The following FARP1 variants were observed in gnomAD, a reference collection of about 807,000 sequenced individuals.
FARP1 encodes the protein FERM, ARHGEF and pleckstrin domain-containing protein 1.
In FARP1, 52 loss-of-function variants were observed where a neutral mutation model predicts 128.8. The observed-to-expected ratio is 0.40, with a 90% CI of 0.32 to 0.51. FARP1 has a LOEUF of 0.51. Among genes scored for constraint, FARP1 ranks in the 20% least tolerant of loss-of-function variants. The pLI is 0.45. For missense variants in FARP1, 1,333 were observed against 1,367.9 expected, an observed-to-expected ratio of 0.97 and a Z score of 0.40; for synonymous variants, 580 against 551.8, an observed-to-expected ratio of 1.05 and a Z score of -0.72.
chr13:98,207,684 G>A (rs948506659), intron 1 of FARP1, among the ~76,000 whole-genome samples: 3 of 151,968 alleles, frequency 2.0e-5, no homozygotes, highest in African/African-American at 7.3e-5. Flanking sequence ...GGGTGGGGTG[G>A]GGGAGGGGCC....
intron 1 of FARP1, among the ~76,000 whole-genome samples, chr13:98,184,438 T>C (rs1374866705): frequency 6.6e-6 from 1 of 152,198 alleles, no homozygotes; most frequent in East Asian, 1.9e-4. Flanking sequence ...TTTTAATGTG[T>C]CATTTTAAAG....
At chr13:98,162,368 T>C (rs1233483531) in intron 1 of FARP1, among the ~76,000 whole-genome samples, 1 of 152,222 alleles carries the variant, frequency 6.6e-6, no homozygotes, top group Non-Finnish European at 1.5e-5. Context: ...TTCTCATCGA[T>C]GTGCAGAAGA....
rs34250002 is a variant in FARP1, at chr13:98,151,660, C to CTTTTTTTTT, written c.-24+8179_-24+8187dup. Among the ~76,000 whole-genome samples, 598 of 69,154 alleles carry CTTTTTTTTT rather than the reference C, an allele frequency of 8.6e-3. 153 individuals are homozygous for CTTTTTTTTT. Among genetic ancestry groups the CTTTTTTTTT allele is most frequent in the Middle Eastern group, 0.042 (2 of 48 alleles). 45.4% of individuals were successfully genotyped at this position (69,154 alleles called of 152,430 possible). On this transcript the variant is annotated intron_variant, in intron 1 of 26. Coordinates refer to ENST00000319562, the MANE Select transcript of FARP1 (RefSeq NM_005766.4). ...AAACCTGCCCTTATATATCTTCCAT[C>CTTTTTTTTT]TTTTTTTTTTTTTTTTTTTGAGACG...
chr13:98,242,096 A>G (rs1458728198), intron 2 of FARP1, among the ~76,000 whole-genome samples: 4 of 152,076 alleles, frequency 2.6e-5, no homozygotes, highest in East Asian at 3.9e-4. Context: ...AGATGTAGCA[A>G]TGTGTCTTGC....
intron 1 of FARP1, among the ~76,000 whole-genome samples, chr13:98,148,943 G>A (rs1026512698): frequency 2.6e-5 from 4 of 151,880 alleles, no homozygotes; most frequent in African/African-American, 9.7e-5. Context: ...CTGGAGTGCG[G>A]TGGCATGATC....
chr13:98,409,493 C>T lies in FARP1; in HGVS notation c.1570C>T (p.Arg524Trp), dbSNP rs553250328. Reference sequence around the variant, plus strand: ...GCTGCTGAATGACCAGGCCTGCCCCCGGACGGACGATGAGGATGAGGGCCG... The same window carrying T: ...GCTGCTGAATGACCAGGCCTGCCCCTGGACGGACGATGAGGATGAGGGCCG... ...SPLLNDQACPRTDDEDEGRRK... is the reference protein window; with the variant it reads ...SPLLNDQACPWTDDEDEGRRK... The change falls in exon 14 of 27, where the codon CGG becomes TGG. Residue 524 changes from arginine to tryptophan, a missense_variant. Physicochemically the swap from Arg to Trp is moderately radical, Grantham distance 101. This residue lies in a region of FARP1 where 1,009 missense variants were observed against 969.8 expected (regional missense o/e 1.04). Coordinates refer to ENST00000319562, the MANE Select transcript of FARP1 (RefSeq NM_005766.4). 13 of 1,613,104 alleles carry T rather than the reference C, an allele frequency of 8.1e-6. No individual in the cohort carries two copies. Among genetic ancestry groups the T allele is most frequent in the East Asian group, 4.5e-5 (2 of 44,802 alleles).
chr13:98,227,565 G>A (rs1333989553), intron 2 of FARP1, among the ~76,000 whole-genome samples: 1 of 152,144 alleles, frequency 6.6e-6, no homozygotes, highest in Non-Finnish European at 1.5e-5. Context: ...AAATATTATG[G>A]CAGTTCTAAA....
chr13:98,379,010 A>G lies in FARP1; in HGVS notation c.496+1092A>G, dbSNP rs1285220194. ...AATATATATATAATATATACAATATATAATCTATATATAATATATATAATA... is the reference window on the plus strand; with the variant it reads ...AATATATATATAATATATACAATATGTAATCTATATATAATATATATAATA... On this transcript the variant is annotated intron_variant, in intron 6 of 26. Transcript: ENST00000319562. 3.4e-4 allele frequency among the ~76,000 whole-genome samples: 30 copies of G among 89,178 alleles called. 4 individuals carry two copies. Among genetic ancestry groups the G allele is most frequent in the African/African-American group, 1.2e-3 (16 of 13,802 alleles). The allele number at this position is 89,178 out of a possible 152,430, so 58.5% of individuals were successfully genotyped here. A position where few individuals can be genotyped will look rare whatever the true frequency, so the allele number is the denominator to read the frequency against.
In FARP1 at chr13:98,430,153, G is replaced by C. The variant is rs922432579; in HGVS notation, c.1906-890G>C. On this transcript the variant is annotated intron_variant, in intron 17 of 26. Coordinates refer to ENST00000319562, the MANE Select transcript of FARP1 (RefSeq NM_005766.4). ...CCTGCAGTCCCAGCTGCTCGAGGCT[G>C]AGGCAGGAGGATCCCTTGAGCCCAG... Among the ~76,000 whole-genome samples, 36 of 152,276 alleles carry C rather than the reference G, an allele frequency of 2.4e-4. 2 individuals carry two copies. The East Asian group carries it at 2.5e-3, about 11-fold the overall frequency.
chr13:98,147,866 T>C (rs1422600716), intron 1 of FARP1, among the ~76,000 whole-genome samples: 1 of 152,082 alleles, frequency 6.6e-6, no homozygotes, highest in Non-Finnish European at 1.5e-5. Flanking sequence ...CTCACCGCTA[T>C]GTTGCCCAGT....
chr13:98,151,066 G>GTTTTTT (rs1875962753), intron 1 of FARP1, among the ~76,000 whole-genome samples: 1 of 119,888 alleles, frequency 8.3e-6, no homozygotes, highest in Non-Finnish European at 2.0e-5. Context: ...GTCTTAAACG[G>GTTTTTT]TGTGCTGTTA....
At chr13:98,378,026 G>A (rs776838876) in intron 6 of FARP1, 108 bp downstream of exon 6, 67 of 867,084 alleles carry the variant, frequency 7.7e-5, no homozygotes, top group Non-Finnish European at 1.1e-4. Flanking sequence ...ATGTTTTTGT[G>A]TTATTTTTGC....
At chr13:98,254,307 A>C (rs1262702424) in intron 2 of FARP1, among the ~76,000 whole-genome samples, 1 of 152,212 alleles carries the variant, frequency 6.6e-6, no homozygotes, top group Admixed American at 6.5e-5. Flanking sequence ...GCTCTTAAAA[A>C]CTATGGGATT....
chr13:98,404,519 C>G (rs1210190778), intron 13 of FARP1: 1 of 152,152 alleles, frequency 6.6e-6, no homozygotes, highest in Non-Finnish European at 1.5e-5. Context: ...ATGGGATAAT[C>G]TCAAGAGAGG....
At chr13:98,251,200 A>G (rs1339589169) in intron 2 of FARP1, among the ~76,000 whole-genome samples, 1 of 152,226 alleles carries the variant, frequency 6.6e-6, no homozygotes, top group Non-Finnish European at 1.5e-5. Context: ...GAAGACCTGG[A>G]TGCCCATTTC....
chr13:98,397,915 A>AGAAAG (rs1555291503), intron 13 of FARP1: 4 of 37,516 alleles, frequency 1.1e-4, no homozygotes, highest in Non-Finnish European at 3.1e-4. Flanking sequence ...AAAAAAAAAA[A>AGAAAG]AAAAGATAAA....
chr13:98,188,782 C>T (rs530839314), intron 1 of FARP1, among the ~76,000 whole-genome samples: 3 of 152,248 alleles, frequency 2.0e-5, no homozygotes, highest in East Asian at 3.9e-4. Context: ...GAAGTCCCTG[C>T]GAAGTCCTCC....
intron 2 of FARP1, among the ~76,000 whole-genome samples, chr13:98,256,508 T>C (rs1356556061): frequency 1.3e-5 from 2 of 152,098 alleles, no homozygotes; most frequent in Non-Finnish European, 2.9e-5. Context: ...GTTATTGGTC[T>C]GTACCTTTAA....
At chr13:98,284,562 C>T (rs749836206) in intron 2 of FARP1, among the ~76,000 whole-genome samples, 45 of 152,126 alleles carry the variant, frequency 3.0e-4, no homozygotes, top group Admixed American at 2.6e-4. Flanking sequence ...AGTCTCATTA[C>T]GGAATTAGAT....
Sources: gnomAD v4.1 joint callset for allele counts (sites outside exome capture counted in the v4.1 genomes callset) on GRCh38, gnomAD v4.1.1 for gene constraint, gnomAD v4.1.1 regional missense constraint, MANE v1.5 for transcripts, NCBI Gene and HGNC (gene_info 2026-07-23, HGNC 2026-07-21) for gene names.